NCBP1: variants seen among roughly 807,000 people sequenced by gnomAD.
NCBP1 encodes the protein nuclear cap binding protein subunit 1.
NCBP1 carries 16 observed loss-of-function variants against 111.7 expected under a neutral mutation model. The ratio of observed to expected loss-of-function variants is 0.14; its 90% CI spans 0.10 to 0.22. The LOEUF (loss-of-function observed/expected upper bound fraction) is 0.22. NCBP1 is among the 10% of genes least tolerant of loss of function. NCBP1 has a pLI of 1.00. For synonymous variants in NCBP1, 304 were observed against 314.3 expected (o/e 0.97, Z 0.35); for missense variants, 607 against 957.5 (o/e 0.63, Z 4.83).
In NCBP1 at chr9:97,645,218, A is replaced by T. The variant is rs754928551; in HGVS notation, c.483A>T (p.Val161=). 1.2e-6 allele frequency: 2 copies of T among 1,610,002 alleles called. No individual in the cohort carries two copies. Among genetic ancestry groups the T allele is most frequent in the South Asian group, 2.2e-5 (2 of 90,950 alleles). ...NFVSVTQEED[V]PQVRRDWYVY... is the part of the protein sequence containing the mutation. Reference sequence around the variant, plus strand: ...TAAGCGTAACTCAGGAAGAAGATGTACCTCAGGTAAGAGAACCCCTCATGC... The same window carrying T: ...TAAGCGTAACTCAGGAAGAAGATGTTCCTCAGGTAAGAGAACCCCTCATGC... Residue 161 remains valine, a synonymous_variant, in exon 5 of 23, where the codon GTA becomes GTT. Coordinates refer to ENST00000375147, the MANE Select transcript of NCBP1 (RefSeq NM_002486.5).
At chr9:97,669,490 CA>C in intron 21 of NCBP1, 102 bp from the exon 22 acceptor site, 2 of 721,716 alleles carry the variant, frequency 2.8e-6, no homozygotes, top group Non-Finnish European at 4.8e-6. Context: ...ACCACAAAGA[CA>C]GGGTGGAACA....
intron 8 of NCBP1, 24 bp downstream of exon 8, chr9:97,648,247 A>G (rs746774965): frequency 6.2e-6 from 10 of 1,603,370 alleles, no homozygotes; most frequent in South Asian, 2.2e-5. Flanking sequence ...TAAAAGTCCT[A>G]GATATTGACC....
At chr9:97,668,199 T>G (rs1342400887) in intron 20 of NCBP1, among the ~76,000 whole-genome samples, 1 of 152,226 alleles carries the variant, frequency 6.6e-6, no homozygotes, top group African/African-American at 2.4e-5. Flanking sequence ...ACTTTCTGAC[T>G]GGGTGATGCT....
In NCBP1 at chr9:97,648,090, C is replaced by A; in HGVS notation, c.764C>A (p.Ala255Asp). The A allele has an allele frequency of 9.9e-6, 16 of 1,614,090 alleles. No homozygotes were observed. The highest frequency in any genetic ancestry group is 1.4e-5 in the Non-Finnish European group (16 of 1,179,992). Residue 255 changes from alanine to aspartate, a missense_variant, in exon 8 of 23, where the codon GCC becomes GAC. Transcript: ENST00000375147. Reference protein sequence around the residue: ...QERHILRPYLAFDSILCEALQ... With the variant: ...QERHILRPYLDFDSILCEALQ... ...CGGCACATCCTAAGACCTTATCTTG[C>A]CTTTGACAGCATCCTGTGTGAAGCA...
chr9:97,636,424 C>G (rs1399793966), intron 1 of NCBP1, among the ~76,000 whole-genome samples: 1 of 147,910 alleles, frequency 6.8e-6, no homozygotes, highest in Non-Finnish European at 1.5e-5. Context: ...GCTTGACTCT[C>G]TATATATAGA....
chr9:97,670,677 G>C (rs1828161843), intron 22 of NCBP1, among the ~76,000 whole-genome samples: 1 of 152,170 alleles, frequency 6.6e-6, no homozygotes, highest in Non-Finnish European at 1.5e-5. Flanking sequence ...ATAGACAAGA[G>C]TATTTCGTTT....
chr9:97,658,878 A>G (rs569629830), intron 15 of NCBP1, 135 bp downstream of exon 15: 130 of 673,644 alleles, frequency 1.9e-4, no homozygotes, highest in Non-Finnish European at 3.1e-4. Flanking sequence ...AAGGTGGTCT[A>G]TCATTAGCCA....
Position 97,645,230 on chromosome 9 carries a change from A to G in NCBP1, c.489+6A>G, listed in dbSNP as rs1220019838. On this transcript the variant is annotated splice_donor_region_variant and intron_variant, in intron 5 of 22. Transcript: ENST00000375147. ...AGGAAGAAGATGTACCTCAGGTAAG[A>G]GAACCCCTCATGCTGAATCTTGAGG... 6.3e-7 allele frequency: 1 copy of G among 1,594,146 alleles called. No homozygotes were observed. The highest frequency in any genetic ancestry group is 8.6e-7 in the Non-Finnish European group (1 of 1,162,218).
Position 97,673,426 on chromosome 9 carries a change from G to A in NCBP1, c.*2227G>A. On this transcript the variant is annotated 3_prime_UTR_variant, in exon 23 of 23. Transcript: ENST00000375147. ...TGTACTGAAAAGTGTGGCTAGTTAT[G>A]TTTGATCCACATTCTAGAGAAATTT... is the stretch of plus-strand genomic sequence containing the variant. 1 of 152,150 alleles carries A rather than the reference G, an allele frequency of 6.6e-6. No homozygotes were observed. The highest frequency in any genetic ancestry group is 1.9e-4 in the East Asian group (1 of 5,186). 9.4% of individuals were successfully genotyped at this position (152,150 alleles called of 1,614,324 possible). A position where few individuals can be genotyped will look rare whatever the true frequency, so the allele number is the denominator to read the frequency against.
chr9:97,669,465 A>C, intron 21 of NCBP1, 128 bp from the exon 22 acceptor site: 2 of 637,970 alleles, frequency 3.1e-6, no homozygotes, highest in Non-Finnish European at 5.6e-6. Context: ...TGAATAATGG[A>C]AGCTAGGCAC....
At chr9:97,654,805 T>C (rs1827601738) in intron 11 of NCBP1, 75 bp from the exon 12 acceptor site, 1 of 1,251,886 alleles carries the variant, frequency 8.0e-7, no homozygotes, top group African/African-American at 1.5e-5. Context: ...TTGAAATGTT[T>C]TATTTCTATT....
chr9:97,655,610 G>A, intron 12 of NCBP1, 92 bp from the exon 13 acceptor site: 2 of 981,186 alleles, frequency 2.0e-6, no homozygotes, highest in Non-Finnish European at 3.1e-6. Flanking sequence ...TGTAAAGTCG[G>A]GTTTTATCTG....
chr9:97,645,254 G>A, intron 5 of NCBP1, 30 bp downstream of exon 5: 1 of 1,539,066 alleles, frequency 6.5e-7, no homozygotes, highest in Non-Finnish European at 9.0e-7. Context: ...TGAATCTTGA[G>A]GGGTTCTTGA....
intron 1 of NCBP1, chr9:97,634,486 G>A (rs1231916342): frequency 6.6e-6 from 1 of 152,302 alleles, no homozygotes; most frequent in Non-Finnish European, 1.5e-5. Context: ...ATTTTGAACT[G>A]GCCGTAAGCG....
Position 97,654,876 on chromosome 9 carries a change from A to C in NCBP1, c.1171-4A>C. On this transcript the variant is annotated splice_region_variant and splice_polypyrimidine_tract_variant and intron_variant, in intron 11 of 22. Coordinates refer to ENST00000375147, the MANE Select transcript of NCBP1 (RefSeq NM_002486.5). ...GAATAGTTTTCCTTATCCTAAATTCACAGCTTGCACAGGCAACTGAAATGC... is the reference window on the plus strand; with the variant it reads ...GAATAGTTTTCCTTATCCTAAATTCCCAGCTTGCACAGGCAACTGAAATGC... 6.2e-7 allele frequency: 1 copy of C among 1,613,646 alleles called. No individual in the cohort carries two copies. Among genetic ancestry groups the C allele is most frequent in the Non-Finnish European group, 8.5e-7 (1 of 1,179,822 alleles).
Position 97,662,990 on chromosome 9 carries a change from T to G in NCBP1, c.1740T>G (p.Asp580Glu). The G allele has an allele frequency of 6.2e-7, 1 of 1,613,226 alleles. No homozygotes were observed. Among genetic ancestry groups the G allele is most frequent in the Non-Finnish European group, 8.5e-7 (1 of 1,179,712 alleles). Residue 580 changes from aspartate to glutamate, a missense_variant, in exon 18 of 23, where the codon GAT (aspartate) becomes GAG (glutamate). By Grantham distance (45) the Asp-to-Glu change is conservative (BLOSUM62 2). Transcript: ENST00000375147. ...TCTTCAAAACCCTAGCTGAAAGTGA[T>G]GAAGGAAAGTTACATGTGCTAAGAG... ...HEVFKTLAES[D>E]EGKLHVLRVM...
intron 10 of NCBP1, among the ~76,000 whole-genome samples, chr9:97,651,891 T>C (rs1159844962): frequency 6.6e-6 from 1 of 152,220 alleles, no homozygotes; most frequent in Non-Finnish European, 1.5e-5. Context: ...GTAGCAACAC[T>C]TTTGACTTCA....
intron 15 of NCBP1, 38 bp downstream of exon 15, chr9:97,658,781 A>G: frequency 6.9e-7 from 1 of 1,447,688 alleles, no homozygotes; most frequent in Non-Finnish European, 9.7e-7. Flanking sequence ...TTTAAAAGGT[A>G]CCAGTTCAAG....
intron 14 of NCBP1, 120 bp from the exon 15 acceptor site, chr9:97,658,520 A>T: frequency 4.1e-6 from 3 of 730,798 alleles, no homozygotes; most frequent in Admixed American, 2.5e-5. Context: ...TTTCCCTTTC[A>T]CTTCTTGGTT....
Sources: allele counts gnomAD v4.1 joint callset (sites outside exome capture counted in the v4.1 genomes callset), GRCh38; gene constraint gnomAD v4.1.1; transcripts MANE v1.5; gene names NCBI Gene and HGNC (gene_info 2026-07-23, HGNC 2026-07-21).